Variants in SORBS2 observed in about 807,000 individuals in gnomAD.
The protein encoded by SORBS2 is sorbin and SH3 domain-containing protein 2.
In SORBS2, 46 loss-of-function variants were observed where a neutral mutation model predicts 97.7. That is an observed-to-expected ratio of 0.47 (90% CI 0.37 to 0.60). The LOEUF (loss-of-function observed/expected upper bound fraction) is 0.60, where lower values mean the gene tolerates loss of function less well. Among genes scored for constraint, SORBS2 ranks in the 20% least tolerant of loss-of-function variants. The probability of loss-of-function intolerance (pLI) is 0.00; values close to 1 mark genes in which losing one functional copy is unlikely to be tolerated. For missense variants in SORBS2, 1,316 were observed against 1,282.3 expected, an observed-to-expected ratio of 1.03 and a Z score of -0.40; for synonymous variants, 476 against 473.4, an observed-to-expected ratio of 1.01 and a Z score of -0.07.
At chr4:185,927,311 G>A (rs915289467) in intron 1 of SORBS2, among the ~76,000 whole-genome samples, 2 of 151,466 alleles carry the variant, frequency 1.3e-5, no homozygotes, top group African/African-American at 4.9e-5. Flanking sequence ...GGATACATGT[G>A]CAGAACATGT....
chr4:185,900,250 A>G (rs1304996918), intron 1 of SORBS2, among the ~76,000 whole-genome samples: 1 of 152,232 alleles, frequency 6.6e-6, no homozygotes, highest in African/African-American at 2.4e-5. Flanking sequence ...TATACTTGAG[A>G]GTAAAATATT....
At position 185,691,604 on chromosome 4, in the gene SORBS2, T is replaced by G. The variant is rs79340253; in HGVS notation, c.-197-12782A>C. 1.6e-3 allele frequency among the ~76,000 whole-genome samples: 243 copies of G among 152,274 alleles called. 7 individuals are homozygous for G. The East Asian group carries it at 0.034, about 21-fold the overall frequency. On this transcript the variant is annotated intron_variant, in intron 2 of 20. Coordinates refer to the SORBS2 transcript ENST00000284776. The stretch of plus-strand genomic sequence containing the variant: ...AAGATGAGATTCATCTTTCTCTTTT[T>G]TAAAGACACAGGAAATAGATGGTCA...
At chr4:185,778,786 C>A (rs1158960599) in intron 1 of SORBS2, among the ~76,000 whole-genome samples, 1 of 152,118 alleles carries the variant, frequency 6.6e-6, no homozygotes, top group Non-Finnish European at 1.5e-5. Flanking sequence ...ACAGATCAAA[C>A]CATATTAGAG....
chr4:185,623,153 C>G lies in SORBS2; in HGVS notation c.1976G>C (p.Ser659Thr). ...CTCACTGATGAGGCGGTGCAGGATG[C>G]TGTTGTCCGGCAAGCTCCCCCTTTT... Residue 659 changes from serine to threonine, a missense_variant, in exon 7 of 15, where the codon AGC (serine) becomes ACC (threonine). Physicochemically the swap from Ser to Thr is moderately conservative, Grantham distance 58. Coordinates refer to ENST00000418609, the Ensembl canonical transcript of SORBS2. The surrounding 1 kb of genome is among the most constrained non-coding windows in gnomAD (Gnocchi z 6.4). 6.2e-7 allele frequency: 1 copy of G among 1,614,118 alleles called. No individual in the cohort carries two copies. Among genetic ancestry groups the G allele is most frequent in the South Asian group, 1.1e-5 (1 of 91,066 alleles).
At position 185,775,208 on chromosome 4, in the gene SORBS2, C is replaced by T. The variant is rs182004085; in HGVS notation, c.-198+19G>A. On this transcript the variant is annotated intron_variant, in intron 2 of 20. Transcript: ENST00000284776. Reference sequence around the variant, plus strand: ...CATACCAGAAAACAATTAAATAATTCCAGAATAAAAAATCTTACCTACAGG... The same window carrying T: ...CATACCAGAAAACAATTAAATAATTTCAGAATAAAAAATCTTACCTACAGG... 2.6e-5 allele frequency: 4 copies of T among 152,608 alleles called. No homozygotes were observed. The highest frequency in any genetic ancestry group is 5.9e-5 in the Non-Finnish European group (4 of 68,002). 9.5% of individuals were successfully genotyped at this position (152,608 alleles called of 1,614,324 possible).
chr4:185,747,877 G>A (rs1402790523), intron 2 of SORBS2, among the ~76,000 whole-genome samples: 1 of 152,076 alleles, frequency 6.6e-6, no homozygotes, highest in African/African-American at 2.4e-5. Context: ...GGTAATCCCA[G>A]CTACTTGGGA....
At chr4:185,751,484 AG>A (rs568513976) in intron 2 of SORBS2, among the ~76,000 whole-genome samples, 48 of 152,278 alleles carry the variant, frequency 3.2e-4, no homozygotes, top group Non-Finnish European at 5.7e-4. Flanking sequence ...AGGTATCCTT[AG>A]GCAAAGGCAA....
intron 1 of SORBS2, among the ~76,000 whole-genome samples, chr4:185,896,422 A>T (rs1187479591): frequency 2.0e-5 from 3 of 152,086 alleles, no homozygotes; most frequent in Non-Finnish European, 4.4e-5. Flanking sequence ...CGTCTCTACT[A>T]AAAATGCAAA....
intron 7 of SORBS2, among the ~76,000 whole-genome samples, chr4:185,620,768 G>A (rs2096708259): frequency 6.6e-6 from 1 of 152,000 alleles, no homozygotes; most frequent in Non-Finnish European, 1.5e-5. Context: ...ACCTTCCTTT[G>A]TGCCCAGATG....
At chr4:185,735,831 AT>A (rs1278177381) in intron 2 of SORBS2, among the ~76,000 whole-genome samples, 12 of 152,274 alleles carry the variant, frequency 7.9e-5, no homozygotes, top group Admixed American at 7.2e-4. Context: ...AACCGTTGCA[AT>A]TAACACATAT....
At chr4:185,953,606 A>G (rs2099278252) in intron 1 of SORBS2, among the ~76,000 whole-genome samples, 1 of 152,216 alleles carries the variant, frequency 6.6e-6, no homozygotes, top group African/African-American at 2.4e-5. Context: ...ATGTCAGCTG[A>G]AAGATGAAAG....
At chr4:185,640,007 T>G (rs1240578585) in intron 4 of SORBS2, among the ~76,000 whole-genome samples, 1 of 152,180 alleles carries the variant, frequency 6.6e-6, no homozygotes. Context: ...CATTTACAAG[T>G]TTTGCTAATG....
chr4:185,928,309 C>T lies in SORBS2; in HGVS notation c.-338+27887G>A, dbSNP rs1457557414. Among the ~76,000 whole-genome samples the T allele has an allele frequency of 2.6e-5, 4 of 152,030 alleles. No homozygotes were observed. In the East Asian group the frequency reaches 5.8e-4, roughly 22 times the overall value. On this transcript the variant is annotated intron_variant, in intron 1 of 20. Coordinates refer to the SORBS2 transcript ENST00000284776. The stretch of plus-strand genomic sequence containing the variant: ...GTCCCAGCTCATTGGGAGGCTGAGG[C>T]GGGAGGATCACTTGAGCCCAGGAGT...
intron 4 of SORBS2, 26 bp from the exon 15 acceptor site, chr4:185,638,188 A>G (rs768977784): frequency 1.4e-6 from 2 of 1,419,932 alleles, no homozygotes; most frequent in Non-Finnish European, 2.0e-6. Context: ...AGGAAAAGGG[A>G]AGGAAAAGGC....
intron 2 of SORBS2, among the ~76,000 whole-genome samples, chr4:185,696,570 C>T (rs2098178031): frequency 6.6e-6 from 1 of 152,172 alleles, no homozygotes; most frequent in African/African-American, 2.4e-5. Context: ...TCTCCTGCCT[C>T]AGCCTCCCGA....
chr4:185,589,681 A>T, exon 14 of SORBS2: 1 of 1,598,938 alleles, frequency 6.3e-7, no homozygotes, highest in Non-Finnish European at 8.6e-7. Flanking sequence ...GCACATACCC[A>T]CAAACCAGCC....
At chr4:185,827,873 T>G (rs1269579676) in intron 1 of SORBS2, among the ~76,000 whole-genome samples, 1 of 145,608 alleles carries the variant, frequency 6.9e-6, no homozygotes, top group African/African-American at 2.6e-5. Context: ...ATCATCATCA[T>G]CGTCACCATC....
At chr4:185,756,919 A>C in intron 2 of SORBS2, 2 of 1,322,998 alleles carry the variant, frequency 1.5e-6, no homozygotes, top group Admixed American at 1.7e-5. Flanking sequence ...GTCCATATTG[A>C]GTATTTTCAT....
At chr4:185,704,307 T>A (rs912921491) in intron 2 of SORBS2, among the ~76,000 whole-genome samples, 2 of 152,174 alleles carry the variant, frequency 1.3e-5, no homozygotes, top group African/African-American at 4.8e-5. Context: ...TCATTCATTA[T>A]TTTTTACAAT....
Sources: gnomAD v4.1 joint callset for allele counts (sites outside exome capture counted in the v4.1 genomes callset) on GRCh38, gnomAD v4.1.1 for gene constraint, Gnocchi (gnomAD v3.1) non-coding constraint, MANE v1.5 for transcripts, NCBI Gene and HGNC (gene_info 2026-07-23, HGNC 2026-07-21) for gene names.